The following FER variants were observed in gnomAD, a reference collection of about 807,000 sequenced individuals.
The protein encoded by FER is FER tyrosine kinase, also known as tyrosine-protein kinase Fer.
A neutral mutation model predicts 111.0 loss-of-function variants in FER; 63 were observed. That is an observed-to-expected ratio of 0.57 (90% CI 0.46 to 0.70). The LOEUF (loss-of-function observed/expected upper bound fraction) is 0.70. Ranked by LOEUF, FER falls within the 30% of genes least tolerant of loss-of-function variation. The probability of loss-of-function intolerance (pLI) is 0.00; values close to 1 mark genes in which losing one functional copy is unlikely to be tolerated. For synonymous variants in FER, 327 were observed against 313.9 expected (o/e 1.04, Z -0.44); for missense variants, 914 against 954.0 (o/e 0.96, Z 0.55).
intron 17 of FER, among the ~76,000 whole-genome samples, chr5:109,112,849 T>G (rs1749788910): frequency 6.6e-6 from 1 of 152,118 alleles, no homozygotes; most frequent in Admixed American, 6.6e-5. Context: ...TCTTATAACT[T>G]CCTATTCTTG....
chr5:109,185,036 A>G (rs2126878429), intron 18 of FER, among the ~76,000 whole-genome samples: 1 of 152,258 alleles, frequency 6.6e-6, no homozygotes, highest in Non-Finnish European at 1.5e-5. Flanking sequence ...GTATATGTAA[A>G]AGTAAAAAAT....
chr5:108,922,960 C>T (rs1753224523), intron 10 of FER, among the ~76,000 whole-genome samples: 1 of 152,072 alleles, frequency 6.6e-6, no homozygotes, highest in South Asian at 2.1e-4. Flanking sequence ...TTTCTGGATC[C>T]ACAGTCCTTG....
intron 13 of FER, among the ~76,000 whole-genome samples, chr5:109,026,130 T>TTA (rs1343830944): frequency 5.3e-5 from 8 of 152,128 alleles, no homozygotes; most frequent in Non-Finnish European, 1.0e-4. Flanking sequence ...CAAGTTTATT[T>TTA]TATAAGTAGG....
At chr5:108,786,115 C>T (rs1460446550) in intron 2 of FER, among the ~76,000 whole-genome samples, 2 of 152,126 alleles carry the variant, frequency 1.3e-5, no homozygotes, top group Non-Finnish European at 2.9e-5. Context: ...TGTTGGAGGC[C>T]CTGAGATTTA....
intron 13 of FER, among the ~76,000 whole-genome samples, chr5:109,004,031 A>G (rs1765178687): frequency 6.6e-6 from 1 of 152,140 alleles, no homozygotes; most frequent in Non-Finnish European, 1.5e-5. Flanking sequence ...TTTTTGTCAA[A>G]TTGACAAATA....
chr5:108,876,197 A>G (rs1765074264), intron 8 of FER, among the ~76,000 whole-genome samples: 1 of 152,204 alleles, frequency 6.6e-6, no homozygotes, highest in African/African-American at 2.4e-5. Flanking sequence ...TGCTGTTTGC[A>G]TTTTAAATGG....
intron 13 of FER, among the ~76,000 whole-genome samples, chr5:109,026,133 T>G (rs1168603819): frequency 6.6e-6 from 1 of 152,202 alleles, no homozygotes; most frequent in East Asian, 1.9e-4. Context: ...GTTTATTTTA[T>G]AAGTAGGGAA....
chr5:108,877,098 C>G (rs1765165306), intron 8 of FER, among the ~76,000 whole-genome samples: 1 of 152,124 alleles, frequency 6.6e-6, no homozygotes, highest in Admixed American at 6.6e-5. Context: ...TTTAACCCAT[C>G]CAACTATCTG....
At position 109,174,753 on chromosome 5, in the gene FER, CTTAT is replaced by C. The variant is rs1471031887; in HGVS notation, c.2049-5990_2049-5987del. ...TTCCTAAAGGTCATCCATTTTGGCT[CTTAT>C]TTAAAGTTCAAAAGTTATAGCCATT... On this transcript the variant is annotated intron_variant, in intron 17 of 19. Transcript: ENST00000281092. Among the ~76,000 whole-genome samples the C allele has an allele frequency of 2.6e-5, 4 of 152,088 alleles. No individual in the cohort carries two copies. The East Asian group carries it at 7.7e-4, about 29-fold the overall frequency.
At chr5:108,953,160 A>G (rs754596060) in intron 11 of FER, among the ~76,000 whole-genome samples, 54 of 152,002 alleles carry the variant, frequency 3.6e-4, no homozygotes, top group Non-Finnish European at 4.1e-4. Flanking sequence ...ATTGTAAATT[A>G]TTAGTATCAG....
intron 3 of FER, among the ~76,000 whole-genome samples, 180 bp downstream of exon 3, chr5:108,798,569 C>T (rs114121309): frequency 1.4e-3 from 209 of 152,110 alleles, no homozygotes; most frequent in African/African-American, 4.3e-3. Context: ...TTGGAGTGGC[C>T]GGGCATGGTG....
intron 13 of FER, among the ~76,000 whole-genome samples, chr5:108,981,149 GT>G (rs565330528): frequency 5.4e-5 from 8 of 148,496 alleles, no homozygotes; most frequent in South Asian, 2.1e-4. Flanking sequence ...AATCGCTGAA[GT>G]TTTTTTTTTA....
chr5:108,759,275 A>G (rs566001458), intron 1 of FER, among the ~76,000 whole-genome samples: 1 of 152,324 alleles, frequency 6.6e-6, no homozygotes, highest in East Asian at 1.9e-4. Context: ...ACTTTATAAC[A>G]AGGATGGCCT....
intron 5 of FER, among the ~76,000 whole-genome samples, chr5:108,850,349 G>A (rs935957855): frequency 6.6e-6 from 1 of 151,906 alleles, no homozygotes; most frequent in Non-Finnish European, 1.5e-5. Flanking sequence ...GAGGATTCCA[G>A]TTAAGGTGTT....
intron 10 of FER, among the ~76,000 whole-genome samples, chr5:108,913,676 T>C (rs187822479): frequency 3.3e-4 from 50 of 152,284 alleles, no homozygotes; most frequent in Admixed American, 1.0e-3. Flanking sequence ...TAGAAATACA[T>C]ACATATGCTC....
chr5:109,127,344 A>G (rs888165487), intron 17 of FER, among the ~76,000 whole-genome samples: 1 of 152,178 alleles, frequency 6.6e-6, no homozygotes, highest in African/African-American at 2.4e-5. Context: ...TCAAATAACT[A>G]TATTAATGTT....
At chr5:109,131,115 A>G (rs995929348) in intron 17 of FER, among the ~76,000 whole-genome samples, 7 of 152,190 alleles carry the variant, frequency 4.6e-5, no homozygotes, top group Non-Finnish European at 1.0e-4. Context: ...TTTTTACTTC[A>G]AAGAACTTTT....
At chr5:109,095,981 A>G (rs1293776568) in intron 16 of FER, among the ~76,000 whole-genome samples, 1 of 152,128 alleles carries the variant, frequency 6.6e-6, no homozygotes, top group Non-Finnish European at 1.5e-5. Context: ...TGTTGAAGAT[A>G]AATTAAGATC....
chr5:108,763,068 G>T (rs1751939429), intron 1 of FER, among the ~76,000 whole-genome samples: 1 of 151,968 alleles, frequency 6.6e-6, no homozygotes, highest in East Asian at 1.9e-4. Context: ...AGGAAGGCAA[G>T]AATTTTTACC....
Sources: allele counts gnomAD v4.1 joint callset (sites outside exome capture counted in the v4.1 genomes callset), GRCh38; gene constraint gnomAD v4.1.1; transcripts MANE v1.5; gene names NCBI Gene and HGNC (gene_info 2026-07-23, HGNC 2026-07-21).